TMEM132C: variants seen among roughly 807,000 people sequenced by gnomAD.
TMEM132C encodes the protein protein phosphatase 1, regulatory subunit 152.
TMEM132C carries 29 observed loss-of-function variants against 61.4 expected under a neutral mutation model. That is an observed-to-expected ratio of 0.47 (90% CI 0.35 to 0.64). TMEM132C has a LOEUF of 0.64. Ranked by LOEUF, TMEM132C falls within the 30% of genes least tolerant of loss-of-function variation. The pLI is 0.00. For missense variants in TMEM132C, 1,408 were observed against 1,476.9 expected, an observed-to-expected ratio of 0.95 and a Z score of 0.76; for synonymous variants, 656 against 633.1, an observed-to-expected ratio of 1.04 and a Z score of -0.54.
intron 1 of TMEM132C, among the ~76,000 whole-genome samples, chr12:128,283,654 T>C (rs1164569021): frequency 1.3e-5 from 2 of 152,210 alleles, no homozygotes; most frequent in Non-Finnish European, 2.9e-5. Flanking sequence ...TTATCTAATC[T>C]ATTTATCTGC....
intron 2 of TMEM132C, among the ~76,000 whole-genome samples, chr12:128,489,492 A>C (rs965729305): frequency 2.6e-5 from 4 of 151,222 alleles, no homozygotes; most frequent in Non-Finnish European, 5.9e-5. Context: ...CGTGAGAAGG[A>C]GTGCAGGACA....
intron 5 of TMEM132C, among the ~76,000 whole-genome samples, chr12:128,679,105 T>C (rs1954614970): frequency 6.6e-6 from 1 of 152,202 alleles, no homozygotes; most frequent in South Asian, 2.1e-4. Flanking sequence ...AAAAGGCAGG[T>C]GACACGCCTG....
chr12:128,628,711 C>T (rs1322537314), intron 4 of TMEM132C, among the ~76,000 whole-genome samples: 2 of 152,164 alleles, frequency 1.3e-5, no homozygotes, highest in Non-Finnish European at 2.9e-5. Flanking sequence ...GTATGACCCG[C>T]CACATCTGCC....
chr12:128,497,959 A>G (rs1375519685), intron 2 of TMEM132C, among the ~76,000 whole-genome samples: 2 of 152,216 alleles, frequency 1.3e-5, no homozygotes, highest in Non-Finnish European at 2.9e-5. Flanking sequence ...CTATTCGGCC[A>G]TCTTGGAACC....
intron 1 of TMEM132C, among the ~76,000 whole-genome samples, chr12:128,301,693 C>A (rs896092478): frequency 1.3e-5 from 2 of 152,148 alleles, no homozygotes; most frequent in African/African-American, 4.8e-5. Context: ...TGGGACTTGG[C>A]AAACAGATGC....
intron 1 of TMEM132C, among the ~76,000 whole-genome samples, chr12:128,391,162 C>T (rs1012854016): frequency 1.3e-5 from 2 of 152,226 alleles, no homozygotes; most frequent in Admixed American, 1.3e-4. Flanking sequence ...GGTGGCCATA[C>T]AGTATGCCAC....
intron 3 of TMEM132C, among the ~76,000 whole-genome samples, chr12:128,577,848 T>A (rs1226883978): frequency 2.0e-5 from 3 of 152,214 alleles, no homozygotes; most frequent in Non-Finnish European, 4.4e-5. Flanking sequence ...TTAGAAGGCT[T>A]GAAATACCAC....
At chr12:128,377,638 A>T (rs760098079) in intron 1 of TMEM132C, among the ~76,000 whole-genome samples, 1 of 152,198 alleles carries the variant, frequency 6.6e-6, no homozygotes, top group African/African-American at 2.4e-5. Flanking sequence ...GAATTCATAT[A>T]TGTGTATATA....
At chr12:128,687,051 A>G (rs1053175927) in intron 5 of TMEM132C, among the ~76,000 whole-genome samples, 3 of 151,622 alleles carry the variant, frequency 2.0e-5, no homozygotes, top group African/African-American at 4.8e-5. Context: ...ACAGTACAAA[A>G]ATTAGGCGGG....
chr12:128,546,243 C>T (rs888169496), intron 3 of TMEM132C, among the ~76,000 whole-genome samples: 1 of 152,108 alleles, frequency 6.6e-6, no homozygotes, highest in Non-Finnish European at 1.5e-5. Flanking sequence ...TTATGAGTCC[C>T]TTGTTCCAAG....
In TMEM132C at chr12:128,631,399, G is replaced by A. The variant is rs556488661; in HGVS notation, c.1305+15064G>A. On this transcript the variant is annotated intron_variant, in intron 4 of 8. Coordinates refer to ENST00000435159, the MANE Select transcript of TMEM132C (RefSeq NM_001136103.3). Reference sequence around the variant, plus strand: ...TCACTAGAAATCAAGAACCAGATTCGGCCCCAGCCCTGCAGGGAGTCACAG... The same window carrying A: ...TCACTAGAAATCAAGAACCAGATTCAGCCCCAGCCCTGCAGGGAGTCACAG... Among the ~76,000 whole-genome samples, 9 of 152,268 alleles carry A rather than the reference G, an allele frequency of 5.9e-5. No homozygotes were observed. The South Asian group carries it at 6.2e-4, about 11-fold the overall frequency.
At chr12:128,343,920 GAATT>G (rs1167532623) in intron 1 of TMEM132C, among the ~76,000 whole-genome samples, 3 of 152,166 alleles carry the variant, frequency 2.0e-5, no homozygotes, top group African/African-American at 7.2e-5. Flanking sequence ...AGTGCTTTGT[GAATT>G]AATTTCATTT....
intron 2 of TMEM132C, among the ~76,000 whole-genome samples, chr12:128,493,717 T>C (rs1871835252): frequency 1.3e-5 from 2 of 152,248 alleles, no homozygotes; most frequent in South Asian, 4.1e-4. Flanking sequence ...GAGACTTTGC[T>C]GAAGTTGCTT....
At chr12:128,577,426 C>G (rs1449238327) in intron 3 of TMEM132C, among the ~76,000 whole-genome samples, 1 of 152,190 alleles carries the variant, frequency 6.6e-6, no homozygotes, top group Non-Finnish European at 1.5e-5. Context: ...GCCATGGCCC[C>G]CCTTGGGATA....
intron 4 of TMEM132C, among the ~76,000 whole-genome samples, chr12:128,617,623 T>A (rs926103753): frequency 2.7e-4 from 41 of 151,478 alleles, no homozygotes; most frequent in Admixed American, 2.6e-4. Context: ...GTGGGACAGG[T>A]GTGGAATCAG....
intron 2 of TMEM132C, among the ~76,000 whole-genome samples, chr12:128,473,344 T>C (rs61940033): frequency 1.2e-4 from 8 of 68,912 alleles, no homozygotes; most frequent in Admixed American, 1.4e-4. Flanking sequence ...TCCAGCCTCC[T>C]TCTTCATCTT....
chr12:128,375,602 C>G (rs1874169399), intron 1 of TMEM132C, among the ~76,000 whole-genome samples: 1 of 152,046 alleles, frequency 6.6e-6, no homozygotes, highest in African/African-American at 2.4e-5. Flanking sequence ...ACCCTAAATC[C>G]AAGATGATTT....
chr12:128,595,708 C>T (rs1227635807), intron 3 of TMEM132C, among the ~76,000 whole-genome samples: 2 of 152,146 alleles, frequency 1.3e-5, no homozygotes, highest in East Asian at 1.9e-4. Context: ...CAGCATCACC[C>T]GTGGCACTGA....
chr12:128,312,601 A>G (rs142649897), intron 1 of TMEM132C, among the ~76,000 whole-genome samples: 3 of 152,182 alleles, frequency 2.0e-5, no homozygotes, highest in Non-Finnish European at 4.4e-5. Flanking sequence ...CAATGGAGGC[A>G]GACATTGGAG....
Sources: gnomAD v4.1 joint callset for allele counts (sites outside exome capture counted in the v4.1 genomes callset) on GRCh38, gnomAD v4.1.1 for gene constraint, MANE v1.5 for transcripts, NCBI Gene and HGNC (gene_info 2026-07-23, HGNC 2026-07-21) for gene names.